Variants in FSTL5 observed in about 807,000 individuals in gnomAD.
FSTL5 encodes the protein follistatin-related protein 5.
Under a neutral mutation model 89.1 loss-of-function variants are expected in FSTL5, and 62 were observed. That is an observed-to-expected ratio of 0.70 (90% CI 0.57 to 0.86). The LOEUF is 0.86. FSTL5 is among the 40% of genes least tolerant of loss of function. FSTL5 has a pLI of 0.00. For missense variants in FSTL5, 1,057 were observed against 1,001.6 expected (o/e 1.06, Z -0.75); for synonymous variants, 383 against 346.2 (o/e 1.11, Z -1.18).
intron 4 of FSTL5, among the ~76,000 whole-genome samples, chr4:161,895,728 T>C (rs1733134607): frequency 6.6e-6 from 1 of 152,180 alleles, no homozygotes; most frequent in South Asian, 2.1e-4. Flanking sequence ...CATTTATACA[T>C]GTGGCATCTC....
At chr4:161,645,830 A>G (rs1435787677) in intron 7 of FSTL5, among the ~76,000 whole-genome samples, 1 of 152,104 alleles carries the variant, frequency 6.6e-6, no homozygotes, top group East Asian at 1.9e-4. Context: ...CAATGTCCTC[A>G]GGCCTATATT....
Position 162,061,269 on chromosome 4 carries a change from C to T in FSTL5, c.127-27611G>A, listed in dbSNP as rs1738709509. 2.0e-5 allele frequency among the ~76,000 whole-genome samples: 3 copies of T among 151,996 alleles called. No individual in the cohort carries two copies. In the South Asian group the frequency reaches 6.2e-4, roughly 32 times the overall value. On this transcript the variant is annotated intron_variant, in intron 2 of 15. Coordinates refer to ENST00000306100, the MANE Select transcript of FSTL5 (RefSeq NM_020116.5). ...TAAAGACGGTCACTTCCCTACCAAG[C>T]CTTCCCAGTGAAAACATAGGGAATG...
rs116842728 is a variant in FSTL5 at position 161,748,396 on chromosome 4, C to T, written c.727+11015G>A. 1.5e-3 allele frequency among the ~76,000 whole-genome samples: 231 copies of T among 152,042 alleles called. 3 individuals carry two copies. In the East Asian group the frequency reaches 0.031, roughly 20 times the overall value. ...GATGATCCTGAAAAAGTTTTTTTAG[C>T]ATTTTTCAAACCTTTAAATAATTAT... On this transcript the variant is annotated intron_variant, in intron 6 of 15. Coordinates refer to ENST00000306100, the MANE Select transcript of FSTL5 (RefSeq NM_020116.5).
At chr4:162,102,668 A>T (rs1731044315) in intron 2 of FSTL5, among the ~76,000 whole-genome samples, 1 of 145,372 alleles carries the variant, frequency 6.9e-6, no homozygotes, top group Non-Finnish European at 1.5e-5. Flanking sequence ...CATATATAAA[A>T]ATATGTATAA....
chr4:161,557,448 G>A (rs1443516854), intron 8 of FSTL5, among the ~76,000 whole-genome samples: 1 of 151,574 alleles, frequency 6.6e-6, no homozygotes, highest in African/African-American at 2.4e-5. Context: ...AATTAAAAAT[G>A]TTTAGAATAT....
chr4:161,716,389 G>T (rs927047908), intron 6 of FSTL5, among the ~76,000 whole-genome samples: 7 of 152,094 alleles, frequency 4.6e-5, no homozygotes, highest in African/African-American at 1.7e-4. Flanking sequence ...TTGAGGTCAG[G>T]AGTTCGAGAA....
chr4:161,662,143 A>G lies in FSTL5; in HGVS notation c.728-5649T>C, dbSNP rs117292487. On this transcript the variant is annotated intron_variant, in intron 6 of 15. Coordinates refer to ENST00000306100, the MANE Select transcript of FSTL5 (RefSeq NM_020116.5). ...TGTGCTAAGACTTTAAGGTGCCACG[A>G]TCTGAAACTGAATATATGGACTGCA... Among the ~76,000 whole-genome samples, 916 of 152,290 alleles carry G rather than the reference A, an allele frequency of 6.0e-3. 9 individuals carry two copies. The highest frequency in any genetic ancestry group is 0.046 in the South Asian group (220 of 4,824).
chr4:161,495,493 T>C (rs1002599673), intron 12 of FSTL5: 2 of 152,110 alleles, frequency 1.3e-5, no homozygotes, highest in African/African-American at 4.8e-5. Context: ...AGGATAAATA[T>C]AGAAATAATC....
At chr4:161,622,933 G>T (rs1735194596) in intron 7 of FSTL5, among the ~76,000 whole-genome samples, 1 of 152,008 alleles carries the variant, frequency 6.6e-6, no homozygotes, top group South Asian at 2.1e-4. Context: ...ATAAAGCTGG[G>T]AACAGACGTG....
intron 10 of FSTL5, among the ~76,000 whole-genome samples, chr4:161,516,939 G>A (rs1445238516): frequency 6.6e-6 from 1 of 151,956 alleles, no homozygotes; most frequent in Non-Finnish European, 1.5e-5. Flanking sequence ...TGTTGCCCAG[G>A]CTGGAGCGTA....
In FSTL5 at chr4:161,908,045, A is replaced by G. The variant is rs1733585986; in HGVS notation, c.409+12359T>C. Among the ~76,000 whole-genome samples, 3 of 152,032 alleles carry G rather than the reference A, an allele frequency of 2.0e-5. No homozygotes were observed. In the South Asian group the frequency reaches 6.2e-4, roughly 31 times the overall value. On this transcript the variant is annotated intron_variant, in intron 4 of 15. Coordinates refer to ENST00000306100, the MANE Select transcript of FSTL5 (RefSeq NM_020116.5). ...AACATGTTTCATTTACAAAAGGCAA[A>G]TAGGTTTGTTTTGACATAGAATGAT...
intron 15 of FSTL5, among the ~76,000 whole-genome samples, chr4:161,431,931 T>C (rs770645042): frequency 1.1e-4 from 17 of 152,108 alleles, no homozygotes; most frequent in Admixed American, 3.3e-4. Context: ...TGTAAATATA[T>C]ATGTATCCAA....
At chr4:161,519,217 A>C (rs1730940880) in intron 10 of FSTL5, among the ~76,000 whole-genome samples, 1 of 152,162 alleles carries the variant, frequency 6.6e-6, no homozygotes, top group Non-Finnish European at 1.5e-5. Context: ...GATGACGGTA[A>C]CTAGTTAATC....
chr4:161,445,562 A>G (rs117588142), intron 15 of FSTL5, among the ~76,000 whole-genome samples: 18 of 152,110 alleles, frequency 1.2e-4, no homozygotes, highest in East Asian at 1.2e-3. Flanking sequence ...TAGTCCAAAA[A>G]TGGTTTTCAA....
chr4:161,689,005 C>T (rs902299200), intron 6 of FSTL5, among the ~76,000 whole-genome samples: 4 of 152,154 alleles, frequency 2.6e-5, no homozygotes, highest in Non-Finnish European at 5.9e-5. Flanking sequence ...TCATGAATTA[C>T]TTCATTTCAT....
chr4:162,111,349 C>T lies in FSTL5; in HGVS notation c.48G>A (p.Leu16=). 3.7e-6 allele frequency: 6 copies of T among 1,612,102 alleles called. No individual in the cohort carries two copies. The South Asian group carries it at 5.5e-5, about 15-fold the overall frequency. ...SVVLVLGFIF[L]ESEGRPTKEG... ...CTTTGGTTGGCCTTCCTTCCGACTCCAGAAAAATGAATCCGAGAACCAAGA... is the reference window on the plus strand; with the variant it reads ...CTTTGGTTGGCCTTCCTTCCGACTCTAGAAAAATGAATCCGAGAACCAAGA... Residue 16 remains leucine, a synonymous_variant, in exon 2 of 16, where the codon CTG becomes CTA. Transcript: ENST00000306100.
In FSTL5 at chr4:161,924,875, G is replaced by C. The variant is rs114674850; in HGVS notation, c.161-4223C>G. 7.6e-3 allele frequency among the ~76,000 whole-genome samples: 1,157 copies of C among 151,944 alleles called. 20 individuals carry two copies. Among genetic ancestry groups the C allele is most frequent in the African/African-American group, 0.025 (1,036 of 41,524 alleles). On this transcript the variant is annotated intron_variant, in intron 3 of 15. Transcript: ENST00000306100. ...TTGTATTTAAAGCGTCAAGTTATTT[G>C]AGGTGTTCATTATCTCATAAAAATG...
At chr4:161,483,541 C>T (rs1399141208) in intron 12 of FSTL5, among the ~76,000 whole-genome samples, 1 of 152,200 alleles carries the variant, frequency 6.6e-6, no homozygotes, top group Non-Finnish European at 1.5e-5. Context: ...ACCAGACTTA[C>T]AAGCATTTTT....
rs1736895893 is a variant in FSTL5, at chr4:162,015,665, G to T, written c.160+17960C>A. On this transcript the variant is annotated intron_variant, in intron 3 of 15. Transcript: ENST00000306100. ...AGCTTCATACAGTTTTGTTAAAAAT[G>T]TCCTGTGAAAACAAATAACTAACTA... Among the ~76,000 whole-genome samples the T allele has an allele frequency of 3.3e-5, 5 of 152,154 alleles. No individual in the cohort carries two copies. In the South Asian group the frequency reaches 1.0e-3, roughly 31 times the overall value.
Sources: gnomAD v4.1 joint callset for allele counts (sites outside exome capture counted in the v4.1 genomes callset) on GRCh38, gnomAD v4.1.1 for gene constraint, MANE v1.5 for transcripts, NCBI Gene and HGNC (gene_info 2026-07-23, HGNC 2026-07-21) for gene names.